Variants in MICAL2 observed in about 807,000 individuals in gnomAD.
The protein encoded by MICAL2 is [F-actin]-monooxygenase MICAL2.
In MICAL2, 77 loss-of-function variants were observed where a neutral mutation model predicts 127.3. The observed-to-expected ratio is 0.60, with a 90% CI of 0.50 to 0.73. The LOEUF is 0.73. MICAL2 is among the 30% of genes least tolerant of loss of function. The probability of loss-of-function intolerance (pLI) is 0.00; values close to 1 mark genes in which losing one functional copy is unlikely to be tolerated. For synonymous variants in MICAL2, 570 were observed against 551.1 expected, an observed-to-expected ratio of 1.03 and a Z score of -0.48; for missense variants, 1,351 against 1,434.4, an observed-to-expected ratio of 0.94 and a Z score of 0.94.
At chr11:12,182,775 C>G (rs1349677206) in intron 3 of MICAL2, among the ~76,000 whole-genome samples, 1 of 152,186 alleles carries the variant, frequency 6.6e-6, no homozygotes, top group Non-Finnish European at 1.5e-5. Flanking sequence ...TGACCCTCCT[C>G]CCACTGTCCA....
At chr11:12,287,054 C>T in intron 2 of MICAL2, 1 of 398,966 alleles carries the variant, frequency 2.5e-6, no homozygotes, top group Non-Finnish European at 4.4e-6. Context: ...CTTCCTCCCA[C>T]CCCATCTTCC....
Position 12,138,457 on chromosome 11 carries a change from T to A in MICAL2, c.-81T>A, listed in dbSNP as rs1286338403. 1 of 152,228 alleles carries A rather than the reference T, an allele frequency of 6.6e-6. No individual in the cohort carries two copies. The highest frequency in any genetic ancestry group is 2.4e-5 in the African/African-American group (1 of 41,446). 9.4% of individuals were successfully genotyped at this position (152,228 alleles called of 1,614,324 possible). A position where few individuals can be genotyped will look rare whatever the true frequency, so the allele number is the denominator to read the frequency against. On this transcript the variant is annotated 5_prime_UTR_variant, in exon 2 of 28. Coordinates refer to ENST00000683283, the MANE Select transcript of MICAL2 (RefSeq NM_001282663.2). Reference sequence around the variant, plus strand: ...CTTTAACCACTGTGATGCCTGAGAATCCAGTGAGTAAGTCACAGTGGTGGA... The same window carrying A: ...CTTTAACCACTGTGATGCCTGAGAAACCAGTGAGTAAGTCACAGTGGTGGA...
Position 12,225,062 on chromosome 11 carries a change from C to A in MICAL2, c.1688+242C>A, listed in dbSNP as rs534405956. 5.4e-5 allele frequency among the ~76,000 whole-genome samples: 8 copies of A among 146,826 alleles called. No individual in the cohort carries two copies. The East Asian group carries it at 1.7e-3, about 32-fold the overall frequency. On this transcript the variant is annotated intron_variant, in intron 13 of 27. Transcript: ENST00000683283. ...TAGTGATGGCACTCTTGACACCTCA[C>A]CCCCCACTACCCTTCCCCCCCGAGC...
intron 23 of MICAL2, chr11:12,255,986 C>T (rs1862280249): frequency 2.1e-6 from 1 of 466,048 alleles, no homozygotes; most frequent in Admixed American, 3.4e-5. Context: ...TCTTCCTGCT[C>T]TCTGTGGCTT....
intron 32 of MICAL2, among the ~76,000 whole-genome samples, chr11:12,337,163 C>A (rs1351168820): frequency 6.6e-6 from 1 of 152,158 alleles, no homozygotes; most frequent in South Asian, 2.1e-4. Flanking sequence ...GATTCAACTT[C>A]TTCCTGGTTT....
At chr11:12,354,972 G>C in intron 34 of MICAL2, 2 of 984,252 alleles carry the variant, frequency 2.0e-6, no homozygotes, top group Non-Finnish European at 3.0e-6. Context: ...CAAGTTAGAG[G>C]AAAGTACAAA....
At position 12,177,262 on chromosome 11, in the gene MICAL2, T is replaced by C. The variant is rs868043142; in HGVS notation, c.264+14843T>C. Among the ~76,000 whole-genome samples the C allele has an allele frequency of 3.3e-4, 50 of 152,336 alleles. 1 individual carries two copies. In the Middle Eastern group the frequency reaches 0.024, roughly 73 times the overall value. On this transcript the variant is annotated intron_variant, in intron 3 of 27. Transcript: ENST00000683283. ...CTAATGATTAGTGATGTTGAGCATCTTTTCCTGTGCTTATTGTCCACTCAT... is the reference window on the plus strand; with the variant it reads ...CTAATGATTAGTGATGTTGAGCATCCTTTCCTGTGCTTATTGTCCACTCAT...
At chr11:12,113,872 T>A (rs930677513) in intron 1 of MICAL2, among the ~76,000 whole-genome samples, 1 of 152,196 alleles carries the variant, frequency 6.6e-6, no homozygotes, top group Non-Finnish European at 1.5e-5. Context: ...TTTCTCACCC[T>A]ATATTGTAAT....
intron 29 of MICAL2, among the ~76,000 whole-genome samples, chr11:12,302,732 A>G (rs1167853094): frequency 6.6e-6 from 1 of 152,088 alleles, no homozygotes; most frequent in Non-Finnish European, 1.5e-5. Flanking sequence ...GCACAATCAT[A>G]AAGTACAGAA....
downstream of MICAL2, among the ~76,000 whole-genome samples, chr11:12,263,953 G>A (rs1408446529): frequency 6.6e-6 from 1 of 152,046 alleles, no homozygotes; most frequent in Non-Finnish European, 1.5e-5. Context: ...TTACCCCTGG[G>A]TAATATTTGG....
At chr11:12,356,914 C>T (rs1331531775) in intron 34 of MICAL2, among the ~76,000 whole-genome samples, 1 of 152,210 alleles carries the variant, frequency 6.6e-6, no homozygotes, top group African/African-American at 2.4e-5. Context: ...GGCTTCTTTC[C>T]AGAATTCTGA....
At chr11:12,154,345 T>C (rs1853929742) in intron 2 of MICAL2, among the ~76,000 whole-genome samples, 3 of 151,978 alleles carry the variant, frequency 2.0e-5, no homozygotes, top group African/African-American at 7.3e-5. Context: ...TTGTTAGGCC[T>C]GGAGAAGATA....
intron 32 of MICAL2, among the ~76,000 whole-genome samples, chr11:12,348,911 T>G (rs932135809): frequency 6.6e-6 from 1 of 151,900 alleles, no homozygotes; most frequent in East Asian, 1.9e-4. Context: ...AAACAGCAGC[T>G]CATTATTATT....
rs200523154 is a variant in MICAL2 at position 12,220,207 on chromosome 11, A to G, written c.955A>G (p.Ile319Val). 17 of 1,614,016 alleles carry G rather than the reference A, an allele frequency of 1.1e-5. No homozygotes were observed. The highest frequency in any genetic ancestry group is 1.7e-5 in the Admixed American group (1 of 60,004). Residue 319 changes from isoleucine to valine, a missense_variant, in exon 9 of 28, where the codon ATC (isoleucine) becomes GTC (valine). By Grantham distance (29) the Ile-to-Val change is conservative. Around this residue, in one of 2 missense-constraint regions of MICAL2, gnomAD observed 599 missense variants for 714.9 expected, o/e 0.84. Transcript: ENST00000683283. The part of the protein sequence containing the change: ...LDKGVIINDY[I>V]DTEMLLCAEN... ...ATGTTTTCATCTTCCCCAGGACTAC[A>G]TCGACACAGAGATGCTGCTGTGTGC...
chr11:12,223,573 C>G, intron 12 of MICAL2, 72 bp downstream of exon 12: 1 of 1,365,892 alleles, frequency 7.3e-7, no homozygotes, highest in Non-Finnish European at 1.0e-6. Flanking sequence ...GCTCAGTGAC[C>G]GTGGTGACAC....
chr11:12,177,761 G>A (rs7117024), intron 3 of MICAL2, among the ~76,000 whole-genome samples: 106,667 of 152,002 alleles, frequency 0.7, 37,698 homozygotes, highest in African/African-American at 0.79. Context: ...TACATATTTG[G>A]TGTCTGAGGT....
At chr11:12,288,326 T>C (rs1051144445), downstream of MICAL2, among the ~76,000 whole-genome samples, 2 of 152,030 alleles carry the variant, frequency 1.3e-5, no homozygotes, top group Non-Finnish European at 1.5e-5. Flanking sequence ...ACTATATGAG[T>C]GTAGGGTCCA....
intron 29 of MICAL2, among the ~76,000 whole-genome samples, chr11:12,299,032 T>G (rs1241148283): frequency 6.6e-6 from 1 of 152,226 alleles, no homozygotes; most frequent in Admixed American, 6.5e-5. Context: ...GTAAATATAT[T>G]TTCCTGGCTT....
At chr11:12,151,703 A>G (rs1254573685) in intron 2 of MICAL2, among the ~76,000 whole-genome samples, 1 of 152,166 alleles carries the variant, frequency 6.6e-6, no homozygotes. Flanking sequence ...AAAGGCACCA[A>G]AAACCACTAT....
Sources: gnomAD v4.1 joint callset for allele counts (sites outside exome capture counted in the v4.1 genomes callset) on GRCh38, gnomAD v4.1.1 for gene constraint, gnomAD v4.1.1 regional missense constraint, MANE v1.5 for transcripts, NCBI Gene and HGNC (gene_info 2026-07-23, HGNC 2026-07-21) for gene names.